The following STK33 variants were observed in gnomAD, a reference collection of about 807,000 sequenced individuals.
STK33 encodes the protein serine/threonine kinase 33.
STK33 carries 52 observed loss-of-function variants against 58.0 expected under a neutral mutation model. That is an observed-to-expected ratio of 0.90 (90% confidence interval 0.72 to 1.13). The LOEUF is 1.13. Ranked by LOEUF, STK33 falls within the 50% of genes most tolerant of loss-of-function variation. STK33 has a pLI of 0.00. For missense variants in STK33, 630 were observed against 604.2 expected, an observed-to-expected ratio of 1.04 and a Z score of -0.45; for synonymous variants, 215 against 200.1, an observed-to-expected ratio of 1.07 and a Z score of -0.63.
At chr11:8,586,986 G>T (rs941052358) in intron 1 of STK33, among the ~76,000 whole-genome samples, 2 of 152,142 alleles carry the variant, frequency 1.3e-5, no homozygotes, top group African/African-American at 4.8e-5. Context: ...GGGAAGTGAG[G>T]ATGAGTGCAG....
intron 1 of STK33, among the ~76,000 whole-genome samples, chr11:8,575,931 A>G (rs1333470472): frequency 1.3e-5 from 2 of 152,146 alleles, no homozygotes; most frequent in Admixed American, 6.5e-5. Context: ...GGAGTACCTT[A>G]CAAGTCTTAA....
At chr11:8,545,491 G>C (rs1353288850) in intron 1 of STK33, among the ~76,000 whole-genome samples, 1 of 152,108 alleles carries the variant, frequency 6.6e-6, no homozygotes, top group Non-Finnish European at 1.5e-5. Flanking sequence ...ATGTTACAAA[G>C]TATTTATATG....
At chr11:8,438,299 A>C (rs539579751) in intron 12 of STK33, among the ~76,000 whole-genome samples, 1 of 152,228 alleles carries the variant, frequency 6.6e-6, no homozygotes, top group Non-Finnish European at 1.5e-5. Context: ...AATATCTCTT[A>C]AAGTCTTCCT....
At chr11:8,518,088 A>G (rs7103007) in intron 1 of STK33, among the ~76,000 whole-genome samples, 1,810 of 152,318 alleles carry the variant, frequency 0.012, 38 homozygotes, top group African/African-American at 0.041. Context: ...GGGCAGCCAG[A>G]GAGAAAGGTC....
At chr11:8,564,585 G>C (rs566728340) in intron 1 of STK33, among the ~76,000 whole-genome samples, 8 of 152,288 alleles carry the variant, frequency 5.3e-5, no homozygotes, top group Admixed American at 2.6e-4. Flanking sequence ...TCACCTTCAA[G>C]CAACTTCAGA....
intron 11 of STK33, among the ~76,000 whole-genome samples, chr11:8,449,188 C>G (rs1268916058): frequency 1.3e-5 from 2 of 151,558 alleles, no homozygotes; most frequent in African/African-American, 4.9e-5. Flanking sequence ...GTTGGTGGGA[C>G]TGTAAACTAG....
At chr11:8,551,355 C>T (rs1956288281) in intron 1 of STK33, among the ~76,000 whole-genome samples, 1 of 152,096 alleles carries the variant, frequency 6.6e-6, no homozygotes, top group Non-Finnish European at 1.5e-5. Context: ...GTCTCAAACT[C>T]CTGACCTCAA....
chr11:8,492,709 TCA>T (rs1402440766), intron 1 of STK33, among the ~76,000 whole-genome samples: 1 of 152,298 alleles, frequency 6.6e-6, no homozygotes, highest in Non-Finnish European at 1.5e-5. Context: ...AAAGCTCTCC[TCA>T]GCAAATGTAA....
intron 14 of STK33, among the ~76,000 whole-genome samples, chr11:8,418,122 G>A (rs920232696): frequency 1.3e-5 from 2 of 151,754 alleles, no homozygotes; most frequent in Non-Finnish European, 2.9e-5. Context: ...TAGGTCCAGG[G>A]GTACCTGAGC....
At chr11:8,372,113 C>A in the STK33 span, among the ~76,000 whole-genome samples, 1 of 152,080 alleles carries the variant, frequency 6.6e-6, no homozygotes, top group African/African-American at 2.4e-5. Context: ...AGAGATCCTC[C>A]CACCTCAGCC....
chr11:8,431,552 T>G (rs1482479612), intron 14 of STK33, among the ~76,000 whole-genome samples: 1 of 152,188 alleles, frequency 6.6e-6, no homozygotes, highest in East Asian at 1.9e-4. Flanking sequence ...TTGTGGTAAA[T>G]TAATTACTCA....
the STK33 span, among the ~76,000 whole-genome samples, chr11:8,359,032 T>G: frequency 1.1e-4 from 17 of 152,138 alleles, no homozygotes; most frequent in Non-Finnish European, 2.4e-4. Context: ...GCGTTGACCC[T>G]TGAGAAACGT....
Position 8,423,088 on chromosome 11 carries a change from C to T in STK33, c.1147-9396G>A, listed in dbSNP as rs750470449. 6.6e-5 allele frequency among the ~76,000 whole-genome samples: 10 copies of T among 151,676 alleles called. 2 individuals carry two copies. Among genetic ancestry groups the T allele is most frequent in the East Asian group, 1.9e-4 (1 of 5,150 alleles). ...AACTCCTGGACTCAAGCAATCCACC[C>T]GCCTTGGCCTCCCAAAGTGCTAGGA... On this transcript the variant is annotated intron_variant, in intron 14 of 15. Coordinates refer to ENST00000687296, the MANE Select transcript of STK33 (RefSeq NM_001352389.2).
At chr11:8,414,664 G>T (rs955939723) in intron 14 of STK33, among the ~76,000 whole-genome samples, 7 of 152,072 alleles carry the variant, frequency 4.6e-5, no homozygotes, top group Non-Finnish European at 8.8e-5. Flanking sequence ...CACTAAATAT[G>T]GAATGCTAAT....
intron 15 of STK33, among the ~76,000 whole-genome samples, chr11:8,395,812 G>A (rs1472286690): frequency 6.6e-6 from 1 of 152,164 alleles, no homozygotes; most frequent in East Asian, 1.9e-4. Context: ...ATATATTTTA[G>A]AAGAGAAATT....
chr11:8,437,324 C>A (rs1279708871), intron 12 of STK33, among the ~76,000 whole-genome samples: 1 of 152,186 alleles, frequency 6.6e-6, no homozygotes, highest in Non-Finnish European at 1.5e-5. Flanking sequence ...ACTACAAGAA[C>A]AAGCTTAAAA....
At chr11:8,466,369 C>T (rs1948181832) in intron 6 of STK33, 1 of 152,200 alleles carries the variant, frequency 6.6e-6, no homozygotes, top group African/African-American at 2.4e-5. Flanking sequence ...GTAAATATAG[C>T]CATTACAAAT....
intron 1 of STK33, among the ~76,000 whole-genome samples, chr11:8,512,183 T>G (rs1301356783): frequency 6.6e-6 from 1 of 152,198 alleles, no homozygotes; most frequent in Non-Finnish European, 1.5e-5. Context: ...TTCTAGTGAC[T>G]AAGTTTTCCT....
chr11:8,361,274 C>T, the STK33 span, among the ~76,000 whole-genome samples: 6 of 152,122 alleles, frequency 3.9e-5, no homozygotes, highest in African/African-American at 1.4e-4. This position sits in a 1 kb window ranked among gnomAD's most constrained non-coding sequence, Gnocchi z 4.8. Context: ...CAAGATGGTC[C>T]GGGACAACCA....
Sources: allele counts gnomAD v4.1 joint callset (sites outside exome capture counted in the v4.1 genomes callset), GRCh38; gene constraint gnomAD v4.1.1; non-coding constraint Gnocchi (gnomAD v3.1); transcripts MANE v1.5; gene names NCBI Gene and HGNC (gene_info 2026-07-23, HGNC 2026-07-21).